Variants in AMMECR1 observed in about 807,000 individuals in gnomAD.
The protein encoded by AMMECR1 is AMMECR nuclear protein 1, also known as nuclear protein AMMECR1.
AMMECR1 carries 3 observed loss-of-function variants against 22.5 expected under a neutral mutation model. The observed-to-expected ratio is 0.13, with a 90% confidence interval of 0.06 to 0.35. The LOEUF (loss-of-function observed/expected upper bound fraction) is 0.35. Ranked by LOEUF, AMMECR1 falls within the 10% of genes least tolerant of loss-of-function variation. The pLI, the probability that AMMECR1 is intolerant of heterozygous loss-of-function variation, is 1.00. For synonymous variants in AMMECR1, 130 were observed against 116.7 expected (o/e 1.11, Z -0.74); for missense variants, 235 against 278.7 (o/e 0.84, Z 1.12).
intron 2 of AMMECR1, among the ~76,000 whole-genome samples, chrX:110,373,025 C>T (rs192790965): frequency 6.0e-4 from 67 of 111,996 alleles, no homozygotes; most frequent in African/African-American, 2.1e-3. Context: ...TTACTATGTG[C>T]CAAGCATTGT....
chrX:110,353,088 C>A (rs2068217176), intron 2 of AMMECR1, among the ~76,000 whole-genome samples: 1 of 111,781 alleles, frequency 8.9e-6, no homozygotes, highest in African/African-American at 3.2e-5. Context: ...TTTAGGTTAT[C>A]CAATTTGTTT....
chrX:110,262,020 G>A (rs1433916278), intron 2 of AMMECR1, among the ~76,000 whole-genome samples: 1 of 111,213 alleles, frequency 9.0e-6, no homozygotes, highest in East Asian at 2.8e-4. Flanking sequence ...AACAATGTCT[G>A]ACATAGTAAA....
chrX:110,371,888 T>G (rs1266326383), intron 2 of AMMECR1, among the ~76,000 whole-genome samples: 2 of 111,539 alleles, frequency 1.8e-5, no homozygotes, highest in African/African-American at 6.5e-5. Flanking sequence ...CCCTTAACAA[T>G]GCTCACACTG....
At chrX:110,232,230 A>C (rs2067571171) in intron 2 of AMMECR1, among the ~76,000 whole-genome samples, 1 of 111,921 alleles carries the variant, frequency 8.9e-6, no homozygotes, top group Admixed American at 9.4e-5. Flanking sequence ...TCAGCACTAC[A>C]TCACACTTAT....
At chrX:110,297,131 C>T (rs1269135302) in intron 1 of AMMECR1, among the ~76,000 whole-genome samples, 1 of 111,540 alleles carries the variant, frequency 9.0e-6, no homozygotes, top group African/African-American at 3.3e-5. Context: ...TAATGACCGA[C>T]ATATTTTCTA....
intron 5 of AMMECR1, 35 bp from the exon 6 acceptor site, chrX:110,198,669 T>G (rs1428401771): frequency 3.0e-6 from 3 of 1,007,514 alleles, no homozygotes; most frequent in Non-Finnish European, 4.2e-6. Context: ...AAGTTAACAT[T>G]GAGAAGTAGG....
intron 2 of AMMECR1, among the ~76,000 whole-genome samples, chrX:110,245,129 T>C (rs1036884626): frequency 8.9e-6 from 1 of 112,145 alleles, no homozygotes; most frequent in Admixed American, 9.5e-5. Context: ...AATCAGTCAC[T>C]GCTCCTTGCT....
chrX:110,438,671 T>C (rs1292374201), intron 1 of AMMECR1, among the ~76,000 whole-genome samples: 1 of 111,321 alleles, frequency 9.0e-6, no homozygotes, highest in Non-Finnish European at 1.9e-5. Context: ...TAAGGTGGAA[T>C]TCCTGTCTTG....
At chrX:110,305,241 T>C in intron 1 of AMMECR1, among the ~76,000 whole-genome samples, 1 of 112,418 alleles carries the variant, frequency 8.9e-6, no homozygotes, top group Non-Finnish European at 1.9e-5. Flanking sequence ...CCAGTCATAA[T>C]ATTAAGAGCA....
chrX:110,400,317 T>G (rs182796936), intron 2 of AMMECR1, among the ~76,000 whole-genome samples: 113 of 107,950 alleles, frequency 1.0e-3, no homozygotes, highest in East Asian at 7.7e-3. Flanking sequence ...CTACCTATAT[T>G]CACTTCAGTT....
At chrX:110,213,279 C>T (rs2067456506) in intron 3 of AMMECR1, among the ~76,000 whole-genome samples, 1 of 111,789 alleles carries the variant, frequency 8.9e-6, no homozygotes, top group Non-Finnish European at 1.9e-5. Context: ...ACCCCTCCCC[C>T]TAGCCCCTAG....
At chrX:110,339,876 A>AGTT (rs1365368841) in intron 2 of AMMECR1, among the ~76,000 whole-genome samples, 2 of 110,897 alleles carry the variant, frequency 1.8e-5, no homozygotes, top group Admixed American at 2.0e-4. Context: ...CATTATATTT[A>AGTT]GTTTTGAGTG....
In AMMECR1 at chrX:110,241,506, C is replaced by T. The variant is rs183201029; in HGVS notation, c.584+22983G>A. On this transcript the variant is annotated intron_variant, in intron 2 of 5. Transcript: ENST00000262844. ...TAGAAGAAATGGATAAATTCCTGGA[C>T]ACATACACCCGCCCAAAACTGGAAA... Among the ~76,000 whole-genome samples, 153 of 111,564 alleles carry T rather than the reference C, an allele frequency of 1.4e-3. 1 individual carries two copies. Among genetic ancestry groups the T allele is most frequent in the Non-Finnish European group, 3.2e-4 (17 of 53,095 alleles).
At chrX:110,403,478 A>G (rs1349403770) in intron 2 of AMMECR1, among the ~76,000 whole-genome samples, 1 of 111,228 alleles carries the variant, frequency 9.0e-6, no homozygotes, top group African/African-American at 3.3e-5. Flanking sequence ...GCATGCGCGC[A>G]CACACATGCA....
intron 1 of AMMECR1, among the ~76,000 whole-genome samples, chrX:110,293,205 C>A (rs2067917835): frequency 1.8e-5 from 2 of 111,800 alleles, no homozygotes; most frequent in South Asian, 7.4e-4. Flanking sequence ...TTGTGAAGAG[C>A]ACCTAGGTAG....
chrX:110,222,318 A>C (rs1282695405), intron 2 of AMMECR1, among the ~76,000 whole-genome samples: 50 of 92,450 alleles, frequency 5.4e-4, no homozygotes, highest in African/African-American at 6.0e-4. Flanking sequence ...AAATTGGAAA[A>C]CATCATTCTC....
At chrX:110,272,614 A>G (rs766517123) in intron 1 of AMMECR1, among the ~76,000 whole-genome samples, 2 of 112,150 alleles carry the variant, frequency 1.8e-5, no homozygotes, top group South Asian at 7.5e-4. Flanking sequence ...CATTAACCAA[A>G]TAGTGAACAT....
At chrX:110,199,457 A>G (rs1016546338) in intron 5 of AMMECR1, among the ~76,000 whole-genome samples, 10 of 110,869 alleles carry the variant, frequency 9.0e-5, no homozygotes, top group Non-Finnish European at 1.9e-4. Flanking sequence ...AATTTCAATC[A>G]TATCTAGCCA....
intron 2 of AMMECR1, among the ~76,000 whole-genome samples, chrX:110,248,831 A>C (rs980037749): frequency 1.8e-5 from 2 of 112,187 alleles, no homozygotes; most frequent in Admixed American, 1.9e-4. Context: ...TCAGCAGTGG[A>C]TTTCAGAGAG....
Sources: gnomAD v4.1 joint callset for allele counts (sites outside exome capture counted in the v4.1 genomes callset) on GRCh38, gnomAD v4.1.1 for gene constraint, MANE v1.5 for transcripts, NCBI Gene and HGNC (gene_info 2026-07-23, HGNC 2026-07-21) for gene names.